Variants in GDF1 observed in about 807,000 individuals in gnomAD.
The protein encoded by GDF1 is growth differentiation factor 1.
A neutral mutation model predicts 7.4 loss-of-function variants in GDF1; 8 were observed. The observed-to-expected ratio is 1.09, with a 90% confidence interval of 0.64 to 1.96. GDF1 has a LOEUF of 1.96. Ranked by LOEUF, GDF1 falls within the 30% of genes most tolerant of loss-of-function variation. The pLI, the probability that GDF1 is intolerant of heterozygous loss-of-function variation, is 0.00. For missense variants in GDF1, 574 were observed against 551.5 expected (o/e 1.04, Z -0.41); for synonymous variants, 311 against 276.7 (o/e 1.12, Z -1.23).
intron 2 of GDF1, 148 bp from the exon 3 acceptor site, chr19:18,884,415 C>T (rs2056298452): frequency 4.3e-6 from 3 of 695,400 alleles, no homozygotes; most frequent in Non-Finnish European, 6.7e-6. Context: ...ATTCCCAATT[C>T]TATTTTTTTT....
chr19:18,870,412 G>C lies in GDF1; in HGVS notation c.-105C>G. The C allele has an allele frequency of 7.8e-7, 1 of 1,288,450 alleles. No individual in the cohort carries two copies. The highest frequency in any genetic ancestry group is 1.1e-6 in the Non-Finnish European group (1 of 928,780). The allele number at this position is 1,288,450 out of a possible 1,614,324, so 79.8% of individuals were successfully genotyped here. The stretch of plus-strand genomic sequence containing the variant: ...CCCCGGAGGGGCAGGGGTCCTGGGG[G>C]GCGTGGCCGGGAACTGGAGGCAGGA... On this transcript the variant is annotated 5_prime_UTR_variant, in exon 7 of 8. Transcript: ENST00000247005. This position sits in a 1 kb window ranked among gnomAD's most constrained non-coding sequence, Gnocchi z 5.1.
Position 18,893,469 on chromosome 19 carries a change from A to C in GDF1, c.-967T>G. The C allele has an allele frequency of 6.2e-7, 1 of 1,607,378 alleles. No homozygotes were observed. The highest frequency in any genetic ancestry group is 1.3e-5 in the African/African-American group (1 of 74,966). On this transcript the variant is annotated 5_prime_UTR_variant, in exon 2 of 8. Transcript: ENST00000247005. Reference sequence around the variant, plus strand: ...GAAGGGGTAGTCGGTGCCAAACAGCAGGTAGGCACTGTAGCTCCAGCTGCC... The same window carrying C: ...GAAGGGGTAGTCGGTGCCAAACAGCCGGTAGGCACTGTAGCTCCAGCTGCC...
chr19:18,895,731 C>A lies in GDF1; in HGVS notation c.-1074+93G>T, dbSNP rs1021547047. The A allele has an allele frequency of 3.9e-5, 26 of 667,728 alleles. No homozygotes were observed. Among genetic ancestry groups the A allele is most frequent in the Non-Finnish European group, 5.0e-5 (25 of 498,914 alleles). The allele number at this position is 667,728 out of a possible 1,614,324, so 41.4% of individuals were successfully genotyped here. A position where few individuals can be genotyped will look rare whatever the true frequency, so the allele number is the denominator to read the frequency against. ...ACCCCTTCATCCGCAGCAGCCAGCGCTGGAAGAAAGGAACGCGCCGGCGGC... is the reference window on the plus strand; with the variant it reads ...ACCCCTTCATCCGCAGCAGCCAGCGATGGAAGAAAGGAACGCGCCGGCGGC... On this transcript the variant is annotated intron_variant, in intron 1 of 7. Coordinates refer to ENST00000247005, the MANE Select transcript of GDF1 (RefSeq NM_001492.6). This position sits in a 1 kb window ranked among gnomAD's most constrained non-coding sequence, Gnocchi z 6.4.
At position 18,884,180 on chromosome 19, in the gene GDF1, G is replaced by A. The variant is rs1161008712; in HGVS notation, c.-826C>T. 8.1e-6 allele frequency: 13 copies of A among 1,613,702 alleles called. No homozygotes were observed. The highest frequency in any genetic ancestry group is 1.0e-5 in the Non-Finnish European group (12 of 1,179,826). ...CTTGCGCCAGGTGTCCATGTATAGC[G>A]TAGCGTAGATGGAGTGGCCATAGAA... On this transcript the variant is annotated 5_prime_UTR_variant, in exon 3 of 8. The change creates a new upstream start codon in the 5' untranslated region. Transcript: ENST00000247005.
rs2145988716 is a variant in GDF1, at chr19:18,869,919, C to G, written c.325+64G>C. The G allele has an allele frequency of 2.0e-6, 3 of 1,499,492 alleles. No individual in the cohort carries two copies. In the Middle Eastern group the frequency reaches 5.2e-4, roughly 260 times the overall value. The allele number at this position is 1,499,492 out of a possible 1,614,324, so 92.9% of individuals were successfully genotyped here. On this transcript the variant is annotated intron_variant, in intron 7 of 7. Coordinates refer to ENST00000247005, the MANE Select transcript of GDF1 (RefSeq NM_001492.6). ...GCTGCTCGGGCATCCCCGGGCCACT[C>G]TCGAGGCTCGCCCTGCGAGGTCTGG...
chr19:18,879,621 C>T (rs1601163517), intron 4 of GDF1, among the ~76,000 whole-genome samples: 1 of 150,610 alleles, frequency 6.6e-6, no homozygotes, highest in East Asian at 2.0e-4. Context: ...AGGCCTCACC[C>T]ACCTCGCCAA....
chr19:18,887,817 A>C (rs1172568284), intron 2 of GDF1, among the ~76,000 whole-genome samples: 1 of 151,948 alleles, frequency 6.6e-6, no homozygotes, highest in East Asian at 1.9e-4. Context: ...TGTTAAGTAC[A>C]CATTATTGTG....
intron 2 of GDF1, among the ~76,000 whole-genome samples, chr19:18,888,657 C>A (rs1194021993): frequency 6.6e-6 from 1 of 151,310 alleles, no homozygotes; most frequent in Non-Finnish European, 1.5e-5. Flanking sequence ...ATGGTGAAAC[C>A]CTGTCTCTAC....
Position 18,878,208 on chromosome 19 carries a change from C to G in GDF1, c.-313+722G>C. ...ACAACCTCCTGCCCCGGCTCCTGCT[C>G]AAACACTCCTCACGTTGCCTATGAG... On this transcript the variant is annotated intron_variant, in intron 6 of 7. Transcript: ENST00000247005. The surrounding 1 kb of genome is among the most constrained non-coding windows in gnomAD (Gnocchi z 4.6). The G allele has an allele frequency of 3.0e-6, 3 of 985,602 alleles. No individual in the cohort carries two copies. Among genetic ancestry groups the G allele is most frequent in the South Asian group, 9.4e-5 (2 of 21,286 alleles). 61.1% of individuals were successfully genotyped at this position (985,602 alleles called of 1,614,324 possible). A position where few individuals can be genotyped will look rare whatever the true frequency, so the allele number is the denominator to read the frequency against.
chr19:18,889,893 G>T (rs995857055), intron 2 of GDF1, among the ~76,000 whole-genome samples: 11 of 152,042 alleles, frequency 7.2e-5, no homozygotes, highest in African/African-American at 1.9e-4. Context: ...CCACCTCTAG[G>T]GTGGCAGCAA....
chr19:18,877,443 C>T (rs1426247243), intron 6 of GDF1, among the ~76,000 whole-genome samples: 1 of 152,216 alleles, frequency 6.6e-6, no homozygotes, highest in Non-Finnish European at 1.5e-5. Context: ...AGAGACCTAG[C>T]TGATCTCTGG....
intron 2 of GDF1, among the ~76,000 whole-genome samples, chr19:18,892,021 G>A (rs1335374982): frequency 6.6e-6 from 1 of 151,774 alleles, no homozygotes; most frequent in Non-Finnish European, 1.5e-5. Context: ...AGCCTCCCAA[G>A]TAGCTGAGAT....
At chr19:18,889,006 C>T (rs570830202) in intron 2 of GDF1, among the ~76,000 whole-genome samples, 119 of 151,010 alleles carry the variant, frequency 7.9e-4, no homozygotes, top group African/African-American at 2.8e-3. Flanking sequence ...ATTCTCTTGC[C>T]TCAGCCTGCC....
intron 2 of GDF1, among the ~76,000 whole-genome samples, chr19:18,889,725 TG>T (rs779410365): frequency 4.5e-4 from 68 of 152,210 alleles, no homozygotes; most frequent in Non-Finnish European, 8.8e-4. Flanking sequence ...TCACCGCACC[TG>T]GCCTGTCCCA....
intron 2 of GDF1, among the ~76,000 whole-genome samples, chr19:18,886,606 TG>T (rs1218947516): frequency 7.9e-5 from 12 of 152,152 alleles, no homozygotes; most frequent in African/African-American, 2.7e-4. Context: ...GAAGCCATGC[TG>T]TGCTCTGCCC....
chr19:18,868,810 C>T lies in GDF1; in HGVS notation c.906G>A (p.Leu302=). The T allele has an allele frequency of 6.9e-7, 1 of 1,458,412 alleles. No individual in the cohort carries two copies. Among genetic ancestry groups the T allele is most frequent in the South Asian group, 1.2e-5 (1 of 80,966 alleles). 90.3% of individuals were successfully genotyped at this position (1,458,412 alleles called of 1,614,324 possible). A position where few individuals can be genotyped will look rare whatever the true frequency, so the allele number is the denominator to read the frequency against. The change falls in exon 8 of 8, where the codon CTG becomes CTA. Residue 302 remains leucine (L), a synonymous_variant. Coordinates refer to ENST00000247005, the MANE Select transcript of GDF1 (RefSeq NM_001492.6). ...LANYCQGQCA[L]PVALSGSGGP... is the part of the protein sequence containing the mutation. ...CCCCGGACCCCGACAGCGCGACGGGCAGCGCGCACTGACCCTGGCAGTAGT... is the reference window on the plus strand; with the variant it reads ...CCCCGGACCCCGACAGCGCGACGGGTAGCGCGCACTGACCCTGGCAGTAGT...
At chr19:18,894,335 G>A (rs1475048129) in intron 1 of GDF1, among the ~76,000 whole-genome samples, 1 of 152,112 alleles carries the variant, frequency 6.6e-6, no homozygotes, top group Non-Finnish European at 1.5e-5. Flanking sequence ...CAGAGGCTGA[G>A]GGGGCCGGAG....
At chr19:18,888,896 T>C (rs2056427944) in intron 2 of GDF1, among the ~76,000 whole-genome samples, 1 of 148,358 alleles carries the variant, frequency 6.7e-6, no homozygotes, top group Non-Finnish European at 1.5e-5. Context: ...TTTCTTTTTT[T>C]TTTTTTTTTT....
chr19:18,873,240 A>G (rs2056006012), intron 6 of GDF1, among the ~76,000 whole-genome samples: 1 of 152,104 alleles, frequency 6.6e-6, no homozygotes, highest in Non-Finnish European at 1.5e-5. Context: ...AGATGCTGGA[A>G]ATGTCAAACA....
Sources: gnomAD v4.1 joint callset for allele counts (sites outside exome capture counted in the v4.1 genomes callset) on GRCh38, gnomAD v4.1.1 for gene constraint, Gnocchi (gnomAD v3.1) non-coding constraint, MANE v1.5 for transcripts, NCBI Gene and HGNC (gene_info 2026-07-23, HGNC 2026-07-21) for gene names.